Variants in AGTPBP1 observed in about 807,000 individuals in gnomAD.
AGTPBP1 encodes ATP/GTP binding carboxypeptidase 1.
A neutral mutation model predicts 143.9 loss-of-function variants in AGTPBP1; 70 were observed. That is an observed-to-expected ratio of 0.49 (90% CI 0.40 to 0.59). The LOEUF (loss-of-function observed/expected upper bound fraction) is 0.59, where lower values mean the gene tolerates loss of function less well. Ranked by LOEUF, AGTPBP1 falls within the 20% of genes least tolerant of loss-of-function variation. AGTPBP1 has a pLI of 0.00. For synonymous variants in AGTPBP1, 463 were observed against 500.2 expected (o/e 0.93, Z 0.99); for missense variants, 1,229 against 1,464.5 (o/e 0.84, Z 2.62).
the AGTPBP1 span, among the ~76,000 whole-genome samples, chr9:85,781,882 T>C: frequency 2.0e-5 from 3 of 152,112 alleles, no homozygotes; most frequent in African/African-American, 7.2e-5. Context: ...TGAAATAACA[T>C]GACAAAATAT....
intron 4 of AGTPBP1, among the ~76,000 whole-genome samples, chr9:85,680,110 T>C (rs1330041277): frequency 2.0e-5 from 3 of 152,240 alleles, no homozygotes; most frequent in African/African-American, 7.2e-5. Flanking sequence ...AGATTTTCTA[T>C]TCTGTTACAC....
intron 12 of AGTPBP1, 150 bp from the exon 13 acceptor site, chr9:85,643,093 T>C (rs894284181): frequency 6.6e-6 from 4 of 606,324 alleles, no homozygotes; most frequent in Non-Finnish European, 2.8e-6. Context: ...TATCTTAAAT[T>C]CAAATTTGCT....
At chr9:85,553,517 G>A (rs998030156) in intron 25 of AGTPBP1, among the ~76,000 whole-genome samples, 1 of 152,146 alleles carries the variant, frequency 6.6e-6, no homozygotes, top group Non-Finnish European at 1.5e-5. Flanking sequence ...TGTAGGAAAC[G>A]GGCTTCTAAC....
chr9:85,568,953 A>G lies in AGTPBP1; in HGVS notation c.3503+6362T>C, dbSNP rs1050573643. Reference sequence around the variant, plus strand: ...TAAGCAAGTTGGAAGATGGATCCACAGGTCTGGGAGATTGTAAGTATTTTG... The same window carrying G: ...TAAGCAAGTTGGAAGATGGATCCACGGGTCTGGGAGATTGTAAGTATTTTG... On this transcript the variant is annotated intron_variant, in intron 25 of 25. Transcript: ENST00000357081. Among the ~76,000 whole-genome samples the G allele has an allele frequency of 7.9e-5, 12 of 152,308 alleles. No individual in the cohort carries two copies. In the East Asian group the frequency reaches 2.1e-3, roughly 27 times the overall value.
chr9:85,676,997 AG>A (rs1175781635), intron 6 of AGTPBP1, among the ~76,000 whole-genome samples: 5 of 152,216 alleles, frequency 3.3e-5, no homozygotes, highest in Non-Finnish European at 7.3e-5. Flanking sequence ...ATCTCATGAA[AG>A]GAGTGAATAG....
upstream of AGTPBP1, among the ~76,000 whole-genome samples, chr9:85,743,395 A>G (rs1824500053): frequency 6.6e-6 from 1 of 152,212 alleles, no homozygotes; most frequent in Non-Finnish European, 1.5e-5. Context: ...TAGCAGCATT[A>G]CATAGCTTTG....
chr9:85,770,972 A>C, the AGTPBP1 span, among the ~76,000 whole-genome samples: 1 of 152,240 alleles, frequency 6.6e-6, no homozygotes, highest in Non-Finnish European at 1.5e-5. Flanking sequence ...GATTTTATTA[A>C]CCTGAATGTG....
intron 3 of AGTPBP1, among the ~76,000 whole-genome samples, chr9:85,683,736 T>C (rs1835328845): frequency 6.6e-6 from 1 of 152,174 alleles, no homozygotes; most frequent in Admixed American, 6.5e-5. Context: ...GACCTCAAAC[T>C]GCTCTGCCTC....
rs767618691 is a variant in AGTPBP1 at position 85,692,812 on chromosome 9, G to T, written c.34C>A (p.Leu12Ile). Reference protein sequence around the residue: ...SKLKVIPEKSLTNNSRIVGLL... With the variant: ...SKLKVIPEKSITNNSRIVGLL... ...CCTACGATCCTAGAATTATTGGTAA[G>T]GCTAAAAAGAACGTAGAATGTTAGG... is the stretch of plus-strand genomic sequence containing the variant. Residue 12 changes from leucine (L) to isoleucine (I), a missense_variant and splice_region_variant, in exon 3 of 26, where the codon CTT becomes ATT. Around this residue, in one of 2 missense-constraint regions of AGTPBP1, gnomAD observed 743 missense variants for 812.2 expected, o/e 0.91. Transcript: ENST00000357081. 1.2e-6 allele frequency: 2 copies of T among 1,612,772 alleles called. No individual in the cohort carries two copies. Among genetic ancestry groups the T allele is most frequent in the South Asian group, 1.1e-5 (1 of 90,800 alleles).
chr9:85,586,162 G>A (rs911867108), intron 22 of AGTPBP1, among the ~76,000 whole-genome samples: 3 of 150,328 alleles, frequency 2.0e-5, no homozygotes, highest in Non-Finnish European at 4.4e-5. Context: ...GCAGTGAGCC[G>A]AGGTTGCACT....
At chr9:85,612,959 G>A (rs924505116) in intron 17 of AGTPBP1, among the ~76,000 whole-genome samples, 1 of 151,482 alleles carries the variant, frequency 6.6e-6, no homozygotes, top group Non-Finnish European at 1.5e-5. Flanking sequence ...TTTTCCAAGT[G>A]CCCATGAGCA....
chr9:85,590,394 C>T (rs1828883152), intron 19 of AGTPBP1, among the ~76,000 whole-genome samples: 1 of 152,062 alleles, frequency 6.6e-6, no homozygotes, highest in African/African-American at 2.4e-5. Context: ...TATACCACAT[C>T]ATTAAATATG....
At chr9:85,647,030 C>A (rs1233383046) in intron 11 of AGTPBP1, among the ~76,000 whole-genome samples, 1 of 152,168 alleles carries the variant, frequency 6.6e-6, no homozygotes, top group Non-Finnish European at 1.5e-5. Flanking sequence ...GTAATCCCAG[C>A]ACTTTGGGAG....
chr9:85,609,888 T>C (rs1289872523), intron 17 of AGTPBP1, among the ~76,000 whole-genome samples: 5 of 152,160 alleles, frequency 3.3e-5, no homozygotes, highest in Non-Finnish European at 5.9e-5. Context: ...AGGAACAAGA[T>C]ATTTAGATAG....
the AGTPBP1 span, among the ~76,000 whole-genome samples, chr9:85,755,857 T>TG: frequency 3.3e-5 from 5 of 152,176 alleles, no homozygotes; most frequent in African/African-American, 1.2e-4. Context: ...TTAACATATC[T>TG]GGGGGGTAAA....
At chr9:85,561,925 C>T (rs1216808406) in intron 25 of AGTPBP1, among the ~76,000 whole-genome samples, 1 of 151,334 alleles carries the variant, frequency 6.6e-6, no homozygotes, top group Non-Finnish European at 1.5e-5. Context: ...TTCCGCCTCC[C>T]GGGTTCAAGC....
chr9:85,761,355 G>A, the AGTPBP1 span, among the ~76,000 whole-genome samples: 4 of 152,050 alleles, frequency 2.6e-5, no homozygotes, highest in African/African-American at 4.8e-5. Context: ...GAGGCATCAC[G>A]CTACCTGACT....
intron 2 of AGTPBP1, among the ~76,000 whole-genome samples, chr9:85,705,493 A>G (rs1273626360): frequency 6.6e-6 from 1 of 152,174 alleles, no homozygotes; most frequent in Non-Finnish European, 1.5e-5. Flanking sequence ...CCTGGGCAAC[A>G]TAGCAAGACA....
chr9:85,688,956 A>C (rs958817070), intron 3 of AGTPBP1, among the ~76,000 whole-genome samples: 1 of 152,200 alleles, frequency 6.6e-6, no homozygotes. Flanking sequence ...GGCTCATACA[A>C]ATATTACATA....
Sources: allele counts gnomAD v4.1 joint callset (sites outside exome capture counted in the v4.1 genomes callset), GRCh38; gene constraint gnomAD v4.1.1; regional missense constraint gnomAD v4.1.1; transcripts MANE v1.5; gene names NCBI Gene and HGNC (gene_info 2026-07-23, HGNC 2026-07-21).